TRPC4AP: variants seen among roughly 807,000 people sequenced by gnomAD.
The protein encoded by TRPC4AP is transient receptor potential cation channel subfamily C member 4 associated protein, also known as short transient receptor potential channel 4-associated protein.
Under a neutral mutation model 99.0 loss-of-function variants are expected in TRPC4AP, and 45 were observed. The observed-to-expected ratio is 0.45, with a 90% CI of 0.36 to 0.58. The LOEUF (loss-of-function observed/expected upper bound fraction) is 0.58. TRPC4AP is among the 20% of genes least tolerant of loss of function. The probability of loss-of-function intolerance (pLI) is 0.00; values close to 1 mark genes in which losing one functional copy is unlikely to be tolerated. For missense variants in TRPC4AP, 879 were observed against 985.3 expected, an observed-to-expected ratio of 0.89 and a Z score of 1.44; for synonymous variants, 408 against 385.8, an observed-to-expected ratio of 1.06 and a Z score of -0.67.
intron 5 of TRPC4AP, among the ~76,000 whole-genome samples, chr20:35,052,890 CA>C (rs1464660762): frequency 7.2e-5 from 11 of 152,314 alleles, no homozygotes; most frequent in African/African-American, 2.6e-4. Context: ...CCAACACCAG[CA>C]ATTCCAAACA....
At chr20:35,078,672 A>G (rs2084548089) in intron 1 of TRPC4AP, among the ~76,000 whole-genome samples, 1 of 152,204 alleles carries the variant, frequency 6.6e-6, no homozygotes, top group Non-Finnish European at 1.5e-5. Flanking sequence ...AAACTTACCA[A>G]TCAAAGGAAA....
chr20:35,006,447 G>A lies in TRPC4AP; in HGVS notation c.1815C>T (p.Asn605=), dbSNP rs1241142109. Residue 605 remains asparagine, a synonymous_variant, in exon 15 of 19, where the codon AAC becomes AAT. Transcript: ENST00000252015. The part of the protein sequence containing the change: ...DAFKRFNKYI[N]TDAKFQVFLK... ...GGGTTAACTTTACCTTTGCATCGGTGTTGATATATTTATTGAATCTCTTGA... is the reference window on the plus strand; with the variant it reads ...GGGTTAACTTTACCTTTGCATCGGTATTGATATATTTATTGAATCTCTTGA... The A allele has an allele frequency of 4.3e-6, 7 of 1,614,200 alleles. No individual in the cohort carries two copies. The Admixed American group carries it at 5.0e-5, about 12-fold the overall frequency.
At chr20:35,031,845 C>T (rs2083202128) in intron 8 of TRPC4AP, among the ~76,000 whole-genome samples, 1 of 152,092 alleles carries the variant, frequency 6.6e-6, no homozygotes, top group Non-Finnish European at 1.5e-5. Flanking sequence ...TTCATATCTA[C>T]TGCTGAGTCT....
intron 3 of TRPC4AP, among the ~76,000 whole-genome samples, chr20:35,061,358 TGTA>T (rs1291065648): frequency 2.0e-5 from 3 of 152,214 alleles, no homozygotes; most frequent in Non-Finnish European, 4.4e-5. Context: ...AAAGCTATCT[TGTA>T]GTTCATGGAT....
chr20:35,037,036 A>G (rs936017580), intron 7 of TRPC4AP, among the ~76,000 whole-genome samples: 1 of 151,710 alleles, frequency 6.6e-6, no homozygotes, highest in African/African-American at 2.4e-5. Flanking sequence ...GTTATAAAAT[A>G]AAACTACATT....
intron 1 of TRPC4AP, among the ~76,000 whole-genome samples, chr20:35,087,920 A>C (rs2084932622): frequency 6.6e-6 from 1 of 152,230 alleles, no homozygotes; most frequent in Non-Finnish European, 1.5e-5. Flanking sequence ...GAGATGGAGA[A>C]GATCAGGTCT....
chr20:35,028,909 T>A (rs905884394), intron 8 of TRPC4AP, among the ~76,000 whole-genome samples: 1 of 152,230 alleles, frequency 6.6e-6, no homozygotes, highest in African/African-American at 2.4e-5. Flanking sequence ...CCTGTTATTA[T>A]CAAATATCCC....
At chr20:35,079,382 C>T (rs866542980) in intron 1 of TRPC4AP, among the ~76,000 whole-genome samples, 1 of 151,864 alleles carries the variant, frequency 6.6e-6, no homozygotes, top group African/African-American at 2.4e-5. Context: ...TGGGATGCAG[C>T]GAAAGCAGTA....
At chr20:35,087,014 A>G (rs2084904462) in intron 1 of TRPC4AP, among the ~76,000 whole-genome samples, 1 of 151,096 alleles carries the variant, frequency 6.6e-6, no homozygotes, top group Non-Finnish European at 1.5e-5. Flanking sequence ...CCTGGGCAAC[A>G]GCACGAGACT....
At chr20:35,068,978 C>CAAA (rs1555914270) in intron 3 of TRPC4AP, among the ~76,000 whole-genome samples, 31 of 95,184 alleles carry the variant, frequency 3.3e-4, no homozygotes, top group African/African-American at 1.2e-3. Flanking sequence ...CACACACACA[C>CAAA]AAAAAAAACA....
At chr20:35,057,228 G>C (rs1428038169) in intron 4 of TRPC4AP, among the ~76,000 whole-genome samples, 1 of 152,142 alleles carries the variant, frequency 6.6e-6, no homozygotes, top group Non-Finnish European at 1.5e-5. Flanking sequence ...CTCTCAGCTA[G>C]TTATATGTGA....
chr20:35,032,467 C>CTTT (rs35808832), intron 8 of TRPC4AP, among the ~76,000 whole-genome samples: 146 of 95,206 alleles, frequency 1.5e-3, no homozygotes, highest in Non-Finnish European at 1.9e-3. Flanking sequence ...GTTCTTTGAT[C>CTTT]TTTTTTTTTT....
intron 3 of TRPC4AP, among the ~76,000 whole-genome samples, chr20:35,062,852 C>T (rs2084042217): frequency 1.3e-5 from 2 of 152,176 alleles, no homozygotes; most frequent in African/African-American, 4.8e-5. Flanking sequence ...ACTTGTATGA[C>T]ATGAATTATA....
In TRPC4AP at chr20:35,010,113, T is replaced by G. The variant is rs1429958229; in HGVS notation, c.1511+74A>C. The G allele has an allele frequency of 1.7e-5, 21 of 1,236,294 alleles. No homozygotes were observed. The East Asian group carries it at 4.9e-4, about 29-fold the overall frequency. The allele number at this position is 1,236,294 out of a possible 1,614,324, so 76.6% of individuals were successfully genotyped here. On this transcript the variant is annotated intron_variant, in intron 12 of 18. Transcript: ENST00000252015. ...GAGGACACGCGTGCATACCTGGATG[T>G]GCTCACCGGTGAGCCCCCGGGGAAC...
At chr20:35,036,704 T>C (rs917327641) in intron 7 of TRPC4AP, among the ~76,000 whole-genome samples, 1 of 151,698 alleles carries the variant, frequency 6.6e-6, no homozygotes, top group Non-Finnish European at 1.5e-5. Context: ...CCTAGCACTT[T>C]GGGAGGCCAA....
Position 35,046,360 on chromosome 20 carries a change from C to T in TRPC4AP, c.658-1648G>A, listed in dbSNP as rs140210666. On this transcript the variant is annotated intron_variant, in intron 6 of 18. Transcript: ENST00000252015. ...TACATCAACTTTTCTCATTTTGAAC[C>T]ATCCCCGTGCTACTCAGATAACACC... is the stretch of plus-strand genomic sequence containing the variant. Among the ~76,000 whole-genome samples the T allele has an allele frequency of 3.3e-5, 5 of 152,228 alleles. No individual in the cohort carries two copies. In the East Asian group the frequency reaches 9.6e-4, roughly 29 times the overall value.
chr20:35,077,430 C>A (rs2084511462), intron 2 of TRPC4AP, among the ~76,000 whole-genome samples: 1 of 152,192 alleles, frequency 6.6e-6, no homozygotes, highest in Non-Finnish European at 1.5e-5. Context: ...TGCATTAGAG[C>A]TGGTGCTCTA....
chr20:35,057,092 G>A (rs546046349), intron 4 of TRPC4AP, among the ~76,000 whole-genome samples: 2 of 151,042 alleles, frequency 1.3e-5, no homozygotes, highest in South Asian at 2.1e-4. Flanking sequence ...TTAAGAAATA[G>A]TGCATACCAA....
chr20:35,087,070 C>T (rs1367928549), intron 1 of TRPC4AP, among the ~76,000 whole-genome samples: 1 of 150,340 alleles, frequency 6.7e-6, no homozygotes, highest in African/African-American at 2.5e-5. Context: ...TGGCTCACAC[C>T]TGTAATCCCA....
Sources: gnomAD v4.1 joint callset for allele counts (sites outside exome capture counted in the v4.1 genomes callset) on GRCh38, gnomAD v4.1.1 for gene constraint, MANE v1.5 for transcripts, NCBI Gene and HGNC (gene_info 2026-07-23, HGNC 2026-07-21) for gene names.